Variants in SYT2 observed in about 807,000 individuals in gnomAD.
The protein encoded by SYT2 is synaptotagmin 2, also known as synaptotagmin-2.
A neutral mutation model predicts 39.9 loss-of-function variants in SYT2; 15 were observed. That is an observed-to-expected ratio of 0.38 (90% CI 0.25 to 0.58). The LOEUF is 0.58. Among genes scored for constraint, SYT2 ranks in the 20% least tolerant of loss-of-function variants. SYT2 has a pLI of 0.70. For synonymous variants in SYT2, 181 were observed against 204.5 expected (o/e 0.89, Z 0.98); for missense variants, 389 against 530.3 (o/e 0.73, Z 2.62).
At chr1:202,603,176 C>T (rs1055597184) in intron 3 of SYT2, 58 bp from the exon 4 acceptor site, 1 of 1,602,676 alleles carries the variant, frequency 6.2e-7, no homozygotes, top group African/African-American at 1.3e-5. Flanking sequence ...AGAAGTCTGG[C>T]TTAGCACAGG....
intron 1 of SYT2, among the ~76,000 whole-genome samples, chr1:202,656,126 G>T (rs996231912): frequency 6.7e-6 from 1 of 150,074 alleles, no homozygotes; most frequent in Admixed American, 6.7e-5. Context: ...GCTTTGGAAC[G>T]CACACACACA....
chr1:202,707,064 T>C (rs1654270899), intron 1 of SYT2, among the ~76,000 whole-genome samples: 2 of 152,232 alleles, frequency 1.3e-5, no homozygotes, highest in Admixed American at 1.3e-4. Context: ...AGATTGTAAA[T>C]GCCACGAGGG....
chr1:202,709,851 T>C lies in SYT2; in HGVS notation c.-18+407A>G, dbSNP rs1011163020. The stretch of plus-strand genomic sequence containing the variant: ...GAGACTGGGGCAAAAGAACCTTCCT[T>C]GGAGACCGCTAGGGCTGGCGGGGGC... On this transcript the variant is annotated intron_variant, in intron 1 of 8. Coordinates refer to ENST00000367268, the MANE Select transcript of SYT2 (RefSeq NM_177402.5). Among the ~76,000 whole-genome samples the C allele has an allele frequency of 2.6e-5, 4 of 151,958 alleles. No individual in the cohort carries two copies. The East Asian group carries it at 7.7e-4, about 29-fold the overall frequency.
At chr1:202,705,063 T>C (rs1412651479) in intron 1 of SYT2, among the ~76,000 whole-genome samples, 1 of 152,256 alleles carries the variant, frequency 6.6e-6, no homozygotes, top group Non-Finnish European at 1.5e-5. Context: ...GACCCGCACC[T>C]GTATTCTCGG....
At chr1:202,695,781 A>G (rs1025342304) in intron 1 of SYT2, among the ~76,000 whole-genome samples, 3 of 152,144 alleles carry the variant, frequency 2.0e-5, no homozygotes, top group Non-Finnish European at 4.4e-5. Context: ...TCCATGCAAA[A>G]CATCTCCCAC....
At chr1:202,686,165 C>T (rs777353787) in intron 1 of SYT2, among the ~76,000 whole-genome samples, 1 of 152,146 alleles carries the variant, frequency 6.6e-6, no homozygotes, top group Non-Finnish European at 1.5e-5. Flanking sequence ...GTGGGGGTCC[C>T]CCTTCGCCTT....
chr1:202,609,686 T>G (rs1419967652), intron 1 of SYT2, among the ~76,000 whole-genome samples: 1 of 152,280 alleles, frequency 6.6e-6, no homozygotes, highest in African/African-American at 2.4e-5. Context: ...CATAACTGTC[T>G]TCTTTCGAGA....
At chr1:202,644,874 AAG>A (rs1692045949) in intron 1 of SYT2, among the ~76,000 whole-genome samples, 2 of 125,408 alleles carry the variant, frequency 1.6e-5, no homozygotes, top group Non-Finnish European at 3.3e-5. Flanking sequence ...CTCACTCCCG[AAG>A]AAGCCGGGGA....
intron 1 of SYT2, among the ~76,000 whole-genome samples, chr1:202,608,530 GCCT>G (rs1690782549): frequency 6.6e-6 from 1 of 152,076 alleles, no homozygotes; most frequent in African/African-American, 2.4e-5. Flanking sequence ...TCCCACTTCA[GCCT>G]CCAAAATGTT....
At chr1:202,616,860 A>G (rs539975024) in intron 1 of SYT2, among the ~76,000 whole-genome samples, 3 of 152,136 alleles carry the variant, frequency 2.0e-5, no homozygotes, top group Non-Finnish European at 4.4e-5. Context: ...GTCAGAGTCA[A>G]GCCACTTCCG....
At chr1:202,642,635 A>G (rs113785588) in intron 1 of SYT2, among the ~76,000 whole-genome samples, 1 of 152,218 alleles carries the variant, frequency 6.6e-6, no homozygotes, top group Non-Finnish European at 1.5e-5. Flanking sequence ...GCAGCCGCTC[A>G]TCTCAACCCT....
chr1:202,631,484 C>T (rs192825274), intron 1 of SYT2, among the ~76,000 whole-genome samples: 8 of 152,216 alleles, frequency 5.3e-5, no homozygotes, highest in Admixed American at 2.0e-4. Context: ...CTCTTCCCAG[C>T]GGCCCCTCCC....
chr1:202,691,739 GA>G (rs1653838175), intron 1 of SYT2, among the ~76,000 whole-genome samples: 2 of 67,866 alleles, frequency 2.9e-5, no homozygotes, highest in African/African-American at 1.3e-4. Flanking sequence ...GGGGGAGAGA[GA>G]GAGAGAGAGA....
At chr1:202,632,013 T>C (rs1366050863) in intron 1 of SYT2, 2 of 985,122 alleles carry the variant, frequency 2.0e-6, no homozygotes, top group African/African-American at 3.5e-5. Flanking sequence ...GCCAATTATG[T>C]GAGGACCACA....
chr1:202,702,913 C>A (rs961733603), intron 1 of SYT2, among the ~76,000 whole-genome samples: 3 of 152,200 alleles, frequency 2.0e-5, no homozygotes, highest in Admixed American at 6.5e-5. Flanking sequence ...TCCAGGCCCC[C>A]CTCCTTGCGG....
chr1:202,680,856 C>T (rs994906866), intron 1 of SYT2, among the ~76,000 whole-genome samples: 1 of 152,150 alleles, frequency 6.6e-6, no homozygotes, highest in African/African-American at 2.4e-5. Flanking sequence ...ATGTGGATTT[C>T]CGTAAACTCC....
chr1:202,673,857 C>T (rs904222435), intron 1 of SYT2, among the ~76,000 whole-genome samples: 1 of 152,174 alleles, frequency 6.6e-6, no homozygotes, highest in Non-Finnish European at 1.5e-5. Flanking sequence ...CAATTCCTCA[C>T]AGAGTTCTGA....
chr1:202,658,693 A>G (rs906159445), intron 1 of SYT2, among the ~76,000 whole-genome samples: 1 of 151,528 alleles, frequency 6.6e-6, no homozygotes, highest in African/African-American at 2.4e-5. Context: ...TTTTTTCCTA[A>G]AAGTCCTCAT....
intron 1 of SYT2, chr1:202,633,019 G>A (rs1184455226): frequency 6.6e-6 from 1 of 152,274 alleles, no homozygotes; most frequent in Non-Finnish European, 1.5e-5. Flanking sequence ...ATGGACTAAA[G>A]GGAGGGCCAA....
Sources: gnomAD v4.1 joint callset for allele counts (sites outside exome capture counted in the v4.1 genomes callset) on GRCh38, gnomAD v4.1.1 for gene constraint, MANE v1.5 for transcripts, NCBI Gene and HGNC (gene_info 2026-07-23, HGNC 2026-07-21) for gene names.